FBXO38: variants seen among roughly 807,000 people sequenced by gnomAD.
The protein encoded by FBXO38 is F-box protein 38.
In FBXO38, 53 loss-of-function variants were observed where a neutral mutation model predicts 131.9. That is an observed-to-expected ratio of 0.40 (90% CI 0.32 to 0.51). FBXO38 has a LOEUF of 0.51. Ranked by LOEUF, FBXO38 falls within the 20% of genes least tolerant of loss-of-function variation. The pLI is 0.53. For missense variants in FBXO38, 1,076 were observed against 1,475.6 expected (o/e 0.73, Z 4.44); for synonymous variants, 452 against 505.6 (o/e 0.89, Z 1.42).
At chr5:148,420,532 A>G (rs1329354230) in intron 12 of FBXO38, among the ~76,000 whole-genome samples, 2 of 152,184 alleles carry the variant, frequency 1.3e-5, no homozygotes. Flanking sequence ...ACTACTTTCT[A>G]AGGAATTACA....
chr5:148,399,399 G>T, intron 3 of FBXO38: 1 of 418,880 alleles, frequency 2.4e-6, no homozygotes, highest in Non-Finnish European at 4.3e-6. Context: ...TGGAGAACAT[G>T]AGCCTTTGGT....
chr5:148,403,227 G>A (rs2113536164), intron 5 of FBXO38, among the ~76,000 whole-genome samples: 1 of 152,174 alleles, frequency 6.6e-6, no homozygotes, highest in East Asian at 1.9e-4. Flanking sequence ...TACAATGCCT[G>A]TCACAGTTCA....
intron 3 of FBXO38, among the ~76,000 whole-genome samples, chr5:148,401,606 G>A (rs558466178): frequency 1.3e-5 from 2 of 152,140 alleles, no homozygotes; most frequent in Non-Finnish European, 2.9e-5. Flanking sequence ...ACAGACGAGA[G>A]TACCCATGGG....
At chr5:148,433,353 G>A (rs1754145149) in intron 15 of FBXO38, 71 bp from the exon 16 acceptor site, 2 of 1,030,278 alleles carry the variant, frequency 1.9e-6, no homozygotes, top group East Asian at 2.4e-5. Context: ...TCATACGTAT[G>A]TGATTGAATG....
rs1754162787 is a variant in FBXO38 at position 148,433,532 on chromosome 5, A to G, written c.2754+8A>G. ...GAGGATGACCATGTGCAGGTAGAGAAAAAACCCTCACTTACCTTTATCACA... is the reference window on the plus strand; with the variant it reads ...GAGGATGACCATGTGCAGGTAGAGAGAAAACCCTCACTTACCTTTATCACA... On this transcript the variant is annotated splice_region_variant and intron_variant, in intron 16 of 21. Coordinates refer to ENST00000340253, the MANE Select transcript of FBXO38 (RefSeq NM_205836.3). 1 of 1,601,982 alleles carries G rather than the reference A, an allele frequency of 6.2e-7. No homozygotes were observed.
chr5:148,389,636 GAA>G (rs1758092659), intron 1 of FBXO38: 1 of 152,112 alleles, frequency 6.6e-6, no homozygotes, highest in Non-Finnish European at 1.5e-5. Context: ...GTAGGAGTGA[GAA>G]AAAAACACAA....
At chr5:148,394,657 C>T in intron 1 of FBXO38, 57 bp from the exon 2 acceptor site, 1 of 782,140 alleles carries the variant, frequency 1.3e-6, no homozygotes, top group South Asian at 3.6e-5. Context: ...ATTGTTTAAC[C>T]TGGGTTTTAG....
intron 18 of FBXO38, among the ~76,000 whole-genome samples, chr5:148,439,126 CA>C (rs1475267999): frequency 2.0e-5 from 3 of 152,018 alleles, no homozygotes; most frequent in Non-Finnish European, 4.4e-5. Context: ...TTTGCCTTCC[CA>C]AAAAGGAGAC....
rs767493732 is a variant in FBXO38, at chr5:148,441,976, C to G, written c.3396C>G (p.Ile1132Met). 1 of 1,612,142 alleles carries G rather than the reference C, an allele frequency of 6.2e-7. No homozygotes were observed. Among genetic ancestry groups the G allele is most frequent in the Non-Finnish European group, 8.5e-7 (1 of 1,179,192 alleles). Reference protein sequence around the residue: ...YDFEDDEESTIYAPRRKGQLS... With the variant: ...YDFEDDEESTMYAPRRKGQLS... Reference sequence around the variant, plus strand: ...TTATTTCTAATTTCAAAGGCACTATCTATGCTCCTAGAAGGAAAGGACAGC... The same window carrying G: ...TTATTTCTAATTTCAAAGGCACTATGTATGCTCCTAGAAGGAAAGGACAGC... Residue 1132 changes from isoleucine (I) to methionine (M), a missense_variant, in exon 22 of 22, where the codon ATC (isoleucine) becomes ATG (methionine). Physicochemically the swap from Ile to Met is conservative, Grantham distance 10. Transcript: ENST00000340253.
intron 1 of FBXO38, among the ~76,000 whole-genome samples, chr5:148,387,115 C>T (rs1360706357): frequency 2.0e-5 from 3 of 151,760 alleles, no homozygotes; most frequent in Non-Finnish European, 2.9e-5. Context: ...TTGTAACATG[C>T]GATGTATGAT....
chr5:148,427,761 G>A lies in FBXO38; in HGVS notation c.2467G>A (p.Gly823Arg), dbSNP rs769690867. The change falls in exon 15 of 22, where the codon GGG (glycine) becomes AGG (arginine). Residue 823 changes from glycine to arginine, a missense_variant. By Grantham distance (125) the Gly-to-Arg change is moderately radical. This residue lies in a region of FBXO38 where 213 missense variants were observed against 225.2 expected (regional missense o/e 0.95). Coordinates refer to ENST00000340253, the MANE Select transcript of FBXO38 (RefSeq NM_205836.3). ...CTTTTCCTTTAGGACTCTGCCACAA[G>A]GGGGGTCTTCAGGCCCAGCACATGA... ...SAFSFRTLPQ[G>R]GSSGPAHDER... 5 of 1,612,176 alleles carry A rather than the reference G, an allele frequency of 3.1e-6. No homozygotes were observed. Among genetic ancestry groups the A allele is most frequent in the South Asian group, 1.1e-5 (1 of 90,786 alleles).
At position 148,406,318 on chromosome 5, in the gene FBXO38, G is replaced by A. The variant is rs1422318649; in HGVS notation, c.792G>A (p.Leu264=). The change falls in exon 7 of 22, where the codon TTG becomes TTA. Residue 264 remains leucine (L), a synonymous_variant. Coordinates refer to ENST00000340253, the MANE Select transcript of FBXO38 (RefSeq NM_205836.3). The part of the protein sequence containing the change: ...LVTGLASARN[L]EHLEMVRVPF... Reference sequence around the variant, plus strand: ...CAGGCTTAGCCTCTGCCCGAAACTTGGAACACTTAGAAATGGTTCGAGTTC... The same window carrying A: ...CAGGCTTAGCCTCTGCCCGAAACTTAGAACACTTAGAAATGGTTCGAGTTC... 17 of 1,609,686 alleles carry A rather than the reference G, an allele frequency of 1.1e-5. 1 individual carries two copies. In the African/African-American group the frequency reaches 1.1e-4, roughly 10 times the overall value.
chr5:148,393,234 T>TGTGTGTGA (rs1491443388), intron 1 of FBXO38, among the ~76,000 whole-genome samples: 6 of 144,302 alleles, frequency 4.2e-5, no homozygotes, highest in African/African-American at 7.8e-5. Context: ...TGTGTGTGTG[T>TGTGTGTGA]GATGAGAGGC....
intron 1 of FBXO38, among the ~76,000 whole-genome samples, chr5:148,393,166 T>G (rs772900420): frequency 1.2e-4 from 17 of 147,162 alleles, no homozygotes; most frequent in Non-Finnish European, 2.1e-4. Context: ...CAGGCCGTAC[T>G]GGTTAGAAAC....
At chr5:148,438,003 C>G (rs1754447305) in intron 17 of FBXO38, among the ~76,000 whole-genome samples, 1 of 152,060 alleles carries the variant, frequency 6.6e-6, no homozygotes, top group Admixed American at 6.6e-5. Context: ...TATTTCAGGT[C>G]TGACTATTGA....
Position 148,427,530 on chromosome 5 carries a change from G to A in FBXO38, c.2236G>A (p.Val746Met). The A allele has an allele frequency of 1.2e-6, 2 of 1,614,210 alleles. No individual in the cohort carries two copies. Among genetic ancestry groups the A allele is most frequent in the Middle Eastern group, 3.3e-4 (2 of 6,062 alleles). ...SSEPSPTEVD[V>M]SRQCACSPGG... ...CGAGCCTAGCCCTACAGAAGTGGAT[G>A]TGTCCAGGCAGTGTGCCTGCTCCCC... The change falls in exon 15 of 22, where the codon GTG becomes ATG. Residue 746 changes from valine (V) to methionine (M), a missense_variant. Coordinates refer to ENST00000340253, the MANE Select transcript of FBXO38 (RefSeq NM_205836.3).
chr5:148,407,986 A>G (rs546099766), intron 7 of FBXO38, among the ~76,000 whole-genome samples: 17 of 152,240 alleles, frequency 1.1e-4, no homozygotes, highest in African/African-American at 3.6e-4. Context: ...GCTGTTTGCA[A>G]TACAGATACT....
rs78155568 is a variant in FBXO38, at chr5:148,440,673, C to T, written c.3274+146C>T. Reference sequence around the variant, plus strand: ...TGGGAAACAAAACCTGGCCCTTTCTCATTCACGGATGAATGAATGATCCAT... The same window carrying T: ...TGGGAAACAAAACCTGGCCCTTTCTTATTCACGGATGAATGAATGATCCAT... On this transcript the variant is annotated intron_variant, in intron 20 of 21. Transcript: ENST00000340253. 1,289 of 574,868 alleles carry T rather than the reference C, an allele frequency of 2.2e-3. 16 individuals are homozygous for T. In the African/African-American group the frequency reaches 0.023, roughly 10 times the overall value. The allele number at this position is 574,868 out of a possible 1,614,324, so 35.6% of individuals were successfully genotyped here. A position where few individuals can be genotyped will look rare whatever the true frequency, so the allele number is the denominator to read the frequency against.
chr5:148,422,066 A>T (rs1430349748), intron 12 of FBXO38, among the ~76,000 whole-genome samples: 1 of 149,352 alleles, frequency 6.7e-6, no homozygotes, highest in East Asian at 1.9e-4. Flanking sequence ...TTTTTTACCT[A>T]AATGTTTTAA....
Sources: allele counts gnomAD v4.1 joint callset (sites outside exome capture counted in the v4.1 genomes callset), GRCh38; gene constraint gnomAD v4.1.1; regional missense constraint gnomAD v4.1.1; transcripts MANE v1.5; gene names NCBI Gene and HGNC (gene_info 2026-07-23, HGNC 2026-07-21).